The following SCNN1B variants were observed in gnomAD, a reference collection of about 807,000 sequenced individuals.
SCNN1B encodes sodium channel epithelial 1 subunit beta, also known as epithelial sodium channel subunit beta.
A neutral mutation model predicts 65.3 loss-of-function variants in SCNN1B; 46 were observed. The ratio of observed to expected loss-of-function variants is 0.70; its 90% CI spans 0.56 to 0.90. The LOEUF is 0.90. Ranked by LOEUF, SCNN1B falls within the 40% of genes least tolerant of loss-of-function variation. The pLI is 0.00. For missense variants in SCNN1B, 751 were observed against 830.5 expected, an observed-to-expected ratio of 0.90 and a Z score of 1.18; for synonymous variants, 349 against 330.6, an observed-to-expected ratio of 1.06 and a Z score of -0.60.
chr16:23,289,297 G>A (rs1268717866), intron 2 of SCNN1B, among the ~76,000 whole-genome samples: 3 of 152,202 alleles, frequency 2.0e-5, no homozygotes, highest in Non-Finnish European at 4.4e-5. Context: ...GCTCATGCCT[G>A]TAATCCCAGT....
chr16:23,315,325 G>A (rs563877437), intron 1 of SCNN1B, among the ~76,000 whole-genome samples: 4 of 151,512 alleles, frequency 2.6e-5, no homozygotes, highest in Admixed American at 6.6e-5. Flanking sequence ...CAACAAGAGC[G>A]AAAGTCTGTC....
chr16:23,313,498 G>A (rs747326833), intron 1 of SCNN1B, among the ~76,000 whole-genome samples: 8 of 152,166 alleles, frequency 5.3e-5, no homozygotes, highest in Non-Finnish European at 1.0e-4. Flanking sequence ...GGACTGAACT[G>A]GACTCAGTTT....
At chr16:23,367,835 A>C in intron 4 of SCNN1B, 21 bp from the exon 5 acceptor site, 2 of 1,586,052 alleles carry the variant, frequency 1.3e-6, no homozygotes, top group Non-Finnish European at 1.7e-6. Flanking sequence ...CCTGCCCTGC[A>C]GCTGATGCTG....
intron 1 of SCNN1B, among the ~76,000 whole-genome samples, chr16:23,326,874 A>G (rs1326131110): frequency 6.6e-6 from 1 of 152,026 alleles, no homozygotes; most frequent in Non-Finnish European, 1.5e-5. Context: ...TGTACAGCGT[A>G]CCCATTAGGT....
At chr16:23,280,278 G>T (rs1324036884) in intron 1 of SCNN1B, among the ~76,000 whole-genome samples, 1 of 151,584 alleles carries the variant, frequency 6.6e-6, no homozygotes, top group African/African-American at 2.4e-5. Flanking sequence ...AGGCTGGAGT[G>T]CAGTGGAACG....
intron 1 of SCNN1B, among the ~76,000 whole-genome samples, chr16:23,282,274 C>T (rs1960794722): frequency 1.3e-5 from 2 of 152,148 alleles, no homozygotes. Flanking sequence ...TAGTACCCCC[C>T]AAAATGAGGG....
At position 23,352,829 on chromosome 16, in the gene SCNN1B, G is replaced by A; in HGVS notation, c.340G>A (p.Asp114Asn). The change falls in exon 3 of 13, where the codon GAC (aspartate) becomes AAC (asparagine). Residue 114 changes from aspartate (D) to asparagine (N), a missense_variant. Transcript: ENST00000343070. ...KYSKIKHLLK[D>N]LDELMEAVLE... ...TTCCAAAATCAAGCATTTGCTGAAG[G>A]ACCTGGATGAGCTGATGGAAGCTGT... is the stretch of plus-strand genomic sequence containing the variant. 6.2e-7 allele frequency: 1 copy of A among 1,614,114 alleles called. No homozygotes were observed. Among genetic ancestry groups the A allele is most frequent in the Non-Finnish European group, 8.5e-7 (1 of 1,180,030 alleles).
intron 2 of SCNN1B, among the ~76,000 whole-genome samples, chr16:23,289,101 C>G (rs1049807931): frequency 1.6e-4 from 24 of 152,228 alleles, no homozygotes; most frequent in African/African-American, 5.8e-4. Flanking sequence ...ATCAGCCTCC[C>G]CATACAGGGG....
chr16:23,282,545 T>C (rs2141966994), intron 1 of SCNN1B, among the ~76,000 whole-genome samples: 1 of 152,300 alleles, frequency 6.6e-6, no homozygotes, highest in South Asian at 2.1e-4. Context: ...GATAAACCCA[T>C]CATGAGTTGA....
chr16:23,306,724 A>C (rs1473790733), intron 1 of SCNN1B, among the ~76,000 whole-genome samples: 2 of 152,240 alleles, frequency 1.3e-5, no homozygotes, highest in Non-Finnish European at 2.9e-5. Flanking sequence ...AAAGCATTCC[A>C]CACAGTGGAA....
At chr16:23,318,628 A>G (rs1378426344) in intron 1 of SCNN1B, among the ~76,000 whole-genome samples, 1 of 152,188 alleles carries the variant, frequency 6.6e-6, no homozygotes, top group Non-Finnish European at 1.5e-5. Flanking sequence ...ATAAAATAAA[A>G]TAAAGACTAT....
At chr16:23,378,910 G>T in intron 11 of SCNN1B, 143 bp downstream of exon 11, 1 of 739,242 alleles carries the variant, frequency 1.4e-6, no homozygotes. Flanking sequence ...GAGGCACTAG[G>T]AGTGAGAGAG....
Position 23,315,017 on chromosome 16 carries a change from G to A in SCNN1B, c.-9+12580G>A, listed in dbSNP as rs200839001. 1.4e-4 allele frequency among the ~76,000 whole-genome samples: 22 copies of A among 152,294 alleles called. No homozygotes were observed. The East Asian group carries it at 1.7e-3, about 12-fold the overall frequency. ...GAGGTTGGCAGGAAATGGAGACAGAGCAGGAAACAGAAGGGGCTAAGAGAA... is the reference window on the plus strand; with the variant it reads ...GAGGTTGGCAGGAAATGGAGACAGAACAGGAAACAGAAGGGGCTAAGAGAA... On this transcript the variant is annotated intron_variant, in intron 1 of 12. Transcript: ENST00000343070.
At chr16:23,356,600 G>A (rs551583229) in intron 4 of SCNN1B, among the ~76,000 whole-genome samples, 3 of 151,150 alleles carry the variant, frequency 2.0e-5, no homozygotes, top group African/African-American at 7.3e-5. Context: ...CTCCAGTCTG[G>A]GTGACAGAAT....
At position 23,348,553 on chromosome 16, in the gene SCNN1B, G is replaced by C. The variant is rs1314001298; in HGVS notation, c.-8-39G>C. The C allele has an allele frequency of 6.2e-7, 1 of 1,603,860 alleles. No individual in the cohort carries two copies. The highest frequency in any genetic ancestry group is 1.3e-5 in the African/African-American group (1 of 74,846). On this transcript the variant is annotated intron_variant, in intron 1 of 12. Transcript: ENST00000343070. The surrounding 1 kb of genome is among the most constrained non-coding windows in gnomAD (Gnocchi z 4.5). ...CTGGGACATCCTCGCAGGCAAGGCT[G>C]GTGTCCCAGCTGATGTGCGTCCCCA... is the stretch of plus-strand genomic sequence containing the variant.
chr16:23,300,306 G>T (rs568336052), upstream of SCNN1B, among the ~76,000 whole-genome samples: 2 of 151,828 alleles, frequency 1.3e-5, no homozygotes, highest in South Asian at 4.2e-4. Context: ...AAACCTGCAC[G>T]TTCTGCACAT....
intron 1 of SCNN1B, among the ~76,000 whole-genome samples, chr16:23,309,111 G>A (rs926331252): frequency 2.0e-5 from 3 of 152,140 alleles, no homozygotes; most frequent in East Asian, 1.9e-4. Context: ...TGTCCCTCTC[G>A]GTCCTGGAGC....
intron 1 of SCNN1B, among the ~76,000 whole-genome samples, chr16:23,331,181 A>G (rs1961803983): frequency 6.6e-6 from 1 of 152,094 alleles, no homozygotes; most frequent in African/African-American, 2.4e-5. Context: ...CACCCTCCCC[A>G]CTGGCTCCTG....
intron 1 of SCNN1B, among the ~76,000 whole-genome samples, chr16:23,279,382 G>T (rs938553513): frequency 3.3e-5 from 5 of 152,030 alleles, no homozygotes; most frequent in Non-Finnish European, 7.4e-5. Flanking sequence ...GCCCAGCCGT[G>T]GTCTGAAACC....
Sources: allele counts gnomAD v4.1 joint callset (sites outside exome capture counted in the v4.1 genomes callset), GRCh38; gene constraint gnomAD v4.1.1; non-coding constraint Gnocchi (gnomAD v3.1); transcripts MANE v1.5; gene names NCBI Gene and HGNC (gene_info 2026-07-23, HGNC 2026-07-21).